The following KDM2B variants were observed in gnomAD, a reference collection of about 807,000 sequenced individuals.
KDM2B encodes lysine-specific demethylase 2B.
Under a neutral mutation model 150.0 loss-of-function variants are expected in KDM2B, and 26 were observed. The observed-to-expected ratio is 0.17, with a 90% CI of 0.13 to 0.24. The LOEUF (loss-of-function observed/expected upper bound fraction) is 0.24, where lower values mean the gene tolerates loss of function less well. Ranked by LOEUF, KDM2B falls within the 10% of genes least tolerant of loss-of-function variation. KDM2B has a pLI of 1.00. For missense variants in KDM2B, 1,265 were observed against 1,816.9 expected, an observed-to-expected ratio of 0.70 and a Z score of 5.52; for synonymous variants, 734 against 729.5, an observed-to-expected ratio of 1.01 and a Z score of -0.10.
intron 4 of KDM2B, among the ~76,000 whole-genome samples, chr12:121,571,057 C>T (rs1264193143): frequency 5.9e-5 from 9 of 152,112 alleles, no homozygotes; most frequent in African/African-American, 2.2e-4. Context: ...GCCTTGAGAA[C>T]ATGACACCAA....
intron 13 of KDM2B, among the ~76,000 whole-genome samples, chr12:121,448,999 C>G (rs1260365842): frequency 6.6e-6 from 1 of 152,162 alleles, no homozygotes; most frequent in Non-Finnish European, 1.5e-5. Flanking sequence ...TGAATGAGGA[C>G]AGAGCAGGCC....
rs1409836267 is a variant in KDM2B, at chr12:121,452,489, C to T, written c.1959+631G>A. Among the ~76,000 whole-genome samples the T allele has an allele frequency of 6.6e-6, 1 of 152,230 alleles. No individual in the cohort carries two copies. The highest frequency in any genetic ancestry group is 1.5e-5 in the Non-Finnish European group (1 of 68,034). On this transcript the variant is annotated intron_variant, in intron 13 of 22. Coordinates refer to ENST00000377071, the MANE Select transcript of KDM2B (RefSeq NM_032590.5). This position sits in a 1 kb window ranked among gnomAD's most constrained non-coding sequence, Gnocchi z 4.4. ...TTTCCACGGGGACTGGGAGATGACT[C>T]CTCCACAGGGAGGACCGCCGGCCCC...
chr12:121,423,807 A>C, the KDM2B span: 1 of 496,886 alleles, frequency 2.0e-6, no homozygotes, highest in East Asian at 3.5e-5. The surrounding 1 kb of genome is among the most constrained non-coding windows in gnomAD (Gnocchi z 4.3). Context: ...GCTTTATCAC[A>C]CATCCCGTGA....
rs1885730042 is a variant in KDM2B, at chr12:121,513,056, C to A, written c.1174+220G>T. On this transcript the variant is annotated intron_variant, in intron 10 of 22. Coordinates refer to ENST00000377071, the MANE Select transcript of KDM2B (RefSeq NM_032590.5). This position sits in a 1 kb window ranked among gnomAD's most constrained non-coding sequence, Gnocchi z 5.0. ...ACACAGCCATGGGCTGGAGGCCACA[C>A]ACGTGACTCTTTTGGGGATCCGAAT... Among the ~76,000 whole-genome samples the A allele has an allele frequency of 6.6e-6, 1 of 152,274 alleles. No homozygotes were observed. Among genetic ancestry groups the A allele is most frequent in the Non-Finnish European group, 1.5e-5 (1 of 68,046 alleles).
In KDM2B at chr12:121,430,906, G is replaced by C. The variant is rs1555285376; in HGVS notation, c.3830-437C>G. Among the ~76,000 whole-genome samples the C allele has an allele frequency of 6.6e-6, 1 of 152,174 alleles. No individual in the cohort carries two copies. Among genetic ancestry groups the C allele is most frequent in the Non-Finnish European group, 1.5e-5 (1 of 68,042 alleles). ...CCTCCTCCCTTCAGATAAATTCCCA[G>C]AGGGGCATTGCTGGGTCACAGAAAG... On this transcript the variant is annotated intron_variant, in intron 22 of 22. Transcript: ENST00000377071. The surrounding 1 kb of genome is among the most constrained non-coding windows in gnomAD (Gnocchi z 4.4).
At chr12:121,507,320 T>C (rs1482441203) in intron 11 of KDM2B, among the ~76,000 whole-genome samples, 1 of 149,796 alleles carries the variant, frequency 6.7e-6, no homozygotes, top group Non-Finnish European at 1.5e-5. Flanking sequence ...ACCAAGATCA[T>C]GTCACTGCAC....
At chr12:121,408,747 G>A in the KDM2B span, among the ~76,000 whole-genome samples, 1 of 152,128 alleles carries the variant, frequency 6.6e-6, no homozygotes, top group African/African-American at 2.4e-5. Flanking sequence ...TTGAACAATG[G>A]CTGCTTTTGA....
intron 12 of KDM2B, among the ~76,000 whole-genome samples, chr12:121,477,033 T>C (rs1881463578): frequency 6.6e-6 from 1 of 152,204 alleles, no homozygotes; most frequent in South Asian, 2.1e-4. Context: ...GGAATGACAT[T>C]CTTCAAAGAT....
Position 121,496,750 on chromosome 12 carries a change from C to T in KDM2B, c.1648-2085G>A, listed in dbSNP as rs182654814. Among the ~76,000 whole-genome samples the T allele has an allele frequency of 9.1e-4, 138 of 152,190 alleles. No homozygotes were observed. In the South Asian group the frequency reaches 0.021, roughly 23 times the overall value. On this transcript the variant is annotated intron_variant, in intron 11 of 22. Transcript: ENST00000377071. The stretch of plus-strand genomic sequence containing the variant: ...CAAGCAAAACACCTGCCTCAGCCCC[C>T]CAAAGTGCTGGGAGTGCGGATGTGA...
intron 22 of KDM2B, among the ~76,000 whole-genome samples, chr12:121,437,063 A>G (rs1555286950): frequency 6.6e-6 from 1 of 152,176 alleles, no homozygotes; most frequent in Non-Finnish European, 1.5e-5. Context: ...TATGAGATCA[A>G]GGAAGGAGGG....
In KDM2B at chr12:121,445,034, C is replaced by G. The variant is rs149399507; in HGVS notation, c.2103+241G>C. 404 of 521,586 alleles carry G rather than the reference C, an allele frequency of 7.7e-4. 3 individuals are homozygous for G. Among genetic ancestry groups the G allele is most frequent in the African/African-American group, 7.2e-3 (378 of 52,518 alleles). The allele number at this position is 521,586 out of a possible 1,614,324, so 32.3% of individuals were successfully genotyped here. On this transcript the variant is annotated intron_variant, in intron 14 of 22. Transcript: ENST00000377071. The stretch of plus-strand genomic sequence containing the variant: ...TGCCATCTGCTGAGGCTCTGGAAAC[C>G]CTCTCTGGTTCTGACATCCTGGGAG...
chr12:121,539,013 A>G (rs1888385126), intron 6 of KDM2B, among the ~76,000 whole-genome samples: 1 of 151,990 alleles, frequency 6.6e-6, no homozygotes, highest in South Asian at 2.1e-4. Flanking sequence ...CCAAACCACA[A>G]GGGGGCTGGA....
intron 12 of KDM2B, among the ~76,000 whole-genome samples, chr12:121,477,645 TC>T (rs1272978205): frequency 6.6e-6 from 1 of 150,904 alleles, no homozygotes; most frequent in Admixed American, 6.6e-5. Context: ...TAGCATGATC[TC>T]GGTTCACTGC....
intron 6 of KDM2B, among the ~76,000 whole-genome samples, chr12:121,540,530 C>T (rs1416300227): frequency 6.6e-6 from 1 of 151,840 alleles, no homozygotes; most frequent in Non-Finnish European, 1.5e-5. Flanking sequence ...AGGCGGATCA[C>T]CTGAGGTCAG....
Position 121,505,304 on chromosome 12 carries a change from T to A in KDM2B, c.1647+4263A>T, listed in dbSNP as rs543166097. 2.4e-3 allele frequency among the ~76,000 whole-genome samples: 354 copies of A among 146,790 alleles called. 4 individuals carry two copies. The highest frequency in any genetic ancestry group is 2.9e-3 in the Non-Finnish European group (193 of 66,636). On this transcript the variant is annotated intron_variant, in intron 11 of 22. Transcript: ENST00000377071. ...GCATCTCAAAAAAAAAAAAAAAAAA[T>A]TGTGACTGTACCTAATGCCACTGAC...
the KDM2B span, chr12:121,418,229 A>G: frequency 5.8e-4 from 171 of 296,012 alleles, no homozygotes; most frequent in African/African-American, 3.3e-3. Flanking sequence ...GCACATACAC[A>G]TTTGTAGTGT....
At chr12:121,509,479 C>G in intron 11 of KDM2B, 88 bp downstream of exon 11, 1 of 1,540,522 alleles carries the variant, frequency 6.5e-7, no homozygotes, top group Non-Finnish European at 8.7e-7. Flanking sequence ...TGCACAGAGC[C>G]ATCGTGAGCT....
chr12:121,526,957 A>G (rs1213159167), intron 8 of KDM2B, among the ~76,000 whole-genome samples: 5 of 151,982 alleles, frequency 3.3e-5, no homozygotes, highest in Admixed American at 3.3e-4. Flanking sequence ...ACTTGAACCC[A>G]GGAGGCGGAG....
intron 22 of KDM2B, 132 bp downstream of exon 22, chr12:121,439,725 T>G (rs1328925395): frequency 2.9e-6 from 2 of 697,846 alleles, no homozygotes; most frequent in South Asian, 1.7e-5. Flanking sequence ...GACTGGGCTG[T>G]CTGTCTCAGT....
Sources: allele counts gnomAD v4.1 joint callset (sites outside exome capture counted in the v4.1 genomes callset), GRCh38; gene constraint gnomAD v4.1.1; non-coding constraint Gnocchi (gnomAD v3.1); transcripts MANE v1.5; gene names NCBI Gene and HGNC (gene_info 2026-07-23, HGNC 2026-07-21).